Variants in TMEM100 observed in about 807,000 individuals in gnomAD.
TMEM100 encodes the protein transmembrane protein 100.
For missense variants in TMEM100, 137 were observed against 168.2 expected (o/e 0.81, Z 1.02); for synonymous variants, 61 against 67.1 (o/e 0.91, Z 0.44).
chr17:55,730,005 T>G (rs1909165605), intron 1 of TMEM100, among the ~76,000 whole-genome samples: 1 of 152,314 alleles, frequency 6.6e-6, no homozygotes, highest in East Asian at 1.9e-4. Context: ...TTTGCCTTAC[T>G]AAGAACTAAT....
In TMEM100 at chr17:55,721,082, T is replaced by G; in HGVS notation, c.-12A>C. 3.8e-6 allele frequency: 6 copies of G among 1,598,166 alleles called. No individual in the cohort carries two copies. Among genetic ancestry groups the G allele is most frequent in the Non-Finnish European group, 5.1e-6 (6 of 1,172,338 alleles). ...GGCTCTTCAGTCATTTTTACAACAG[T>G]GCTTCTAAGCTGGGTTTACAGACTA... is the stretch of plus-strand genomic sequence containing the variant. On this transcript the variant is annotated 5_prime_UTR_variant, in exon 2 of 2. Coordinates refer to ENST00000424486, the MANE Select transcript of TMEM100 (RefSeq NM_018286.3).
At chr17:55,722,451 T>C (rs1477750285) in intron 1 of TMEM100, 168 bp downstream of exon 1, 1 of 152,228 alleles carries the variant, frequency 6.6e-6, no homozygotes, top group East Asian at 1.9e-4. Context: ...TCACATGTCA[T>C]TTTTAATCAC....
chr17:55,720,577 G>A lies in TMEM100; in HGVS notation c.*89C>T, dbSNP rs1908835971. Reference sequence around the variant, plus strand: ...TCCAGTCTGCTCCAACGCCAAGTCTGTTCTCTCCCACCATGGTTCTGGGTG... The same window carrying A: ...TCCAGTCTGCTCCAACGCCAAGTCTATTCTCTCCCACCATGGTTCTGGGTG... On this transcript the variant is annotated 3_prime_UTR_variant, in exon 2 of 2. Transcript: ENST00000424486. The A allele has an allele frequency of 7.0e-6, 10 of 1,437,072 alleles. No individual in the cohort carries two copies. In the African/African-American group the frequency reaches 7.2e-5, roughly 10 times the overall value. The allele number at this position is 1,437,072 out of a possible 1,614,324, so 89.0% of individuals were successfully genotyped here.
upstream of TMEM100, among the ~76,000 whole-genome samples, chr17:55,723,837 C>T (rs1323905689): frequency 6.6e-6 from 1 of 152,194 alleles, no homozygotes; most frequent in Non-Finnish European, 1.5e-5. Flanking sequence ...CAACTTGACA[C>T]ATCATACTTA....
Position 55,721,089 on chromosome 17 carries a change from A to G in TMEM100, c.-19T>C. ...CAGTCATTTTTACAACAGTGCTTCT[A>G]AGCTGGGTTTACAGACTAGATCTGG... On this transcript the variant is annotated 5_prime_UTR_variant, in exon 2 of 2. Coordinates refer to ENST00000424486, the MANE Select transcript of TMEM100 (RefSeq NM_018286.3). 6.3e-7 allele frequency: 1 copy of G among 1,591,976 alleles called. No homozygotes were observed. Among genetic ancestry groups the G allele is most frequent in the Non-Finnish European group, 8.5e-7 (1 of 1,169,616 alleles).
intron 1 of TMEM100, among the ~76,000 whole-genome samples, chr17:55,730,802 T>C (rs1469233368): frequency 3.5e-4 from 53 of 152,230 alleles, no homozygotes; most frequent in Admixed American, 3.2e-3. Flanking sequence ...ACTTATCTTA[T>C]GGAACAATGC....
chr17:55,725,699 ATATGTGTG>A (rs1259323851), upstream of TMEM100, among the ~76,000 whole-genome samples: 20 of 88,536 alleles, frequency 2.3e-4, no homozygotes, highest in African/African-American at 7.9e-4. Context: ...TAACCCATAT[ATATGTGTG>A]TGTGTGTGTG....
chr17:55,730,976 A>G (rs144588516), intron 1 of TMEM100, among the ~76,000 whole-genome samples: 38 of 152,352 alleles, frequency 2.5e-4, no homozygotes, highest in African/African-American at 8.9e-4. Context: ...GGTAAAACCA[A>G]TGATCCCCAG....
At chr17:55,731,097 C>T (rs377603433) in intron 1 of TMEM100, among the ~76,000 whole-genome samples, 23 of 152,320 alleles carry the variant, frequency 1.5e-4, no homozygotes, top group Middle Eastern at 6.8e-3. Flanking sequence ...GTTAATGAAT[C>T]TGCTGTTGAT....
Position 55,720,848 on chromosome 17 carries a change from C to A in TMEM100, c.223G>T (p.Ala75Ser). 6.2e-7 allele frequency: 1 copy of A among 1,614,186 alleles called. No individual in the cohort carries two copies. Among genetic ancestry groups the A allele is most frequent in the Non-Finnish European group, 8.5e-7 (1 of 1,180,038 alleles). The part of the protein sequence containing the change: ...FIAGIVVTAV[A>S]YSFNSHGSII... ...GACCCATGGGAATTGAAGCTGTAAG[C>A]CACCGCGGTGACCACGATGCCGGCG... The change falls in exon 2 of 2, where the codon GCT becomes TCT. Residue 75 changes from alanine to serine, a missense_variant. Coordinates refer to ENST00000424486, the MANE Select transcript of TMEM100 (RefSeq NM_018286.3).
Position 55,720,626 on chromosome 17 carries a change from C to T in TMEM100, c.*40G>A, listed in dbSNP as rs757059935. 4.2e-5 allele frequency: 65 copies of T among 1,550,834 alleles called. No homozygotes were observed. Among genetic ancestry groups the T allele is most frequent in the Admixed American group, 5.9e-5 (3 of 50,984 alleles). On this transcript the variant is annotated 3_prime_UTR_variant, in exon 2 of 2. Transcript: ENST00000424486. Reference sequence around the variant, plus strand: ...TGAATTGGGTGACAAAGTCAGAGCACGTTTTCCAGGCCCAATGGCCCATTT... The same window carrying T: ...TGAATTGGGTGACAAAGTCAGAGCATGTTTTCCAGGCCCAATGGCCCATTT...
chr17:55,729,671 C>A (rs1909154984), intron 1 of TMEM100, among the ~76,000 whole-genome samples: 2 of 151,950 alleles, frequency 1.3e-5, no homozygotes, highest in South Asian at 4.2e-4. Flanking sequence ...GACACACATA[C>A]AATATATACA....
chr17:55,725,313 A>C (rs1194667571), upstream of TMEM100, among the ~76,000 whole-genome samples: 1 of 152,182 alleles, frequency 6.6e-6, no homozygotes, highest in Non-Finnish European at 1.5e-5. Context: ...ATTTTCACAA[A>C]GAAGAGGAAA....
Position 55,720,326 on chromosome 17 carries a change from T to C in TMEM100, c.*340A>G, listed in dbSNP as rs1050413245. Reference sequence around the variant, plus strand: ...ATTTCTTTTGGAGGCAAATGTCTAGTGTGCCAGGCCTATCTTGATTTTTCT... The same window carrying C: ...ATTTCTTTTGGAGGCAAATGTCTAGCGTGCCAGGCCTATCTTGATTTTTCT... On this transcript the variant is annotated 3_prime_UTR_variant, in exon 2 of 2. Coordinates refer to ENST00000424486, the MANE Select transcript of TMEM100 (RefSeq NM_018286.3). The C allele has an allele frequency of 1.7e-5, 4 of 231,898 alleles. No homozygotes were observed. The highest frequency in any genetic ancestry group is 3.4e-5 in the Non-Finnish European group (4 of 118,816). The allele number at this position is 231,898 out of a possible 1,614,324, so 14.4% of individuals were successfully genotyped here.
At position 55,720,859 on chromosome 17, in the gene TMEM100, A is replaced by T. The variant is rs1908855210; in HGVS notation, c.212T>A (p.Val71Asp). The T allele has an allele frequency of 6.2e-7, 1 of 1,614,116 alleles. No homozygotes were observed. Among genetic ancestry groups the T allele is most frequent in the Non-Finnish European group, 8.5e-7 (1 of 1,180,046 alleles). ...ATTGAAGCTGTAAGCCACCGCGGTG[A>T]CCACGATGCCGGCGATGAAGACAAC... The part of the protein sequence containing the change: ...AVVVFIAGIV[V>D]TAVAYSFNSH... Residue 71 changes from valine (V) to aspartate (D), a missense_variant, in exon 2 of 2, where the codon GTC (valine) becomes GAC (aspartate). Transcript: ENST00000424486.
chr17:55,730,299 TA>T (rs1174312489), intron 1 of TMEM100, among the ~76,000 whole-genome samples: 2 of 152,220 alleles, frequency 1.3e-5, no homozygotes, highest in African/African-American at 4.8e-5. Context: ...GATAATTATT[TA>T]AATGGATTAT....
At chr17:55,729,591 G>C (rs73312378) in intron 1 of TMEM100, among the ~76,000 whole-genome samples, 8,826 of 152,082 alleles carry the variant, frequency 0.058, 626 homozygotes, top group East Asian at 0.27. Context: ...ATAAAATTTC[G>C]AGTAAAATTA....
At chr17:55,721,161 C>G in intron 1 of TMEM100, 26 bp from the exon 2 acceptor site, 1 of 1,443,816 alleles carries the variant, frequency 6.9e-7, no homozygotes, top group Non-Finnish European at 9.3e-7. Context: ...GAGATGTCAG[C>G]TACATGTATC....
intron 1 of TMEM100, chr17:55,721,372 C>G (rs911337135): frequency 1.0e-5 from 3 of 294,334 alleles, no homozygotes; most frequent in African/African-American, 2.2e-5. Flanking sequence ...TTTAATATAC[C>G]CTGGCGGTCT....
Sources: gnomAD v4.1 joint callset for allele counts (sites outside exome capture counted in the v4.1 genomes callset) on GRCh38, gnomAD v4.1.1 for gene constraint, MANE v1.5 for transcripts, NCBI Gene and HGNC (gene_info 2026-07-23, HGNC 2026-07-21) for gene names.